VAC14: variants seen among roughly 807,000 people sequenced by gnomAD.
VAC14 encodes the protein protein VAC14 homolog.
Under a neutral mutation model 85.3 loss-of-function variants are expected in VAC14, and 47 were observed. That is an observed-to-expected ratio of 0.55 (90% CI 0.44 to 0.70). VAC14 has a LOEUF of 0.70. Ranked by LOEUF, VAC14 falls within the 30% of genes least tolerant of loss-of-function variation. The pLI is 0.00. For synonymous variants in VAC14, 447 were observed against 430.5 expected (o/e 1.04, Z -0.47); for missense variants, 861 against 1,004.3 (o/e 0.86, Z 1.93).
chr16:70,767,181 C>T (rs541692872), intron 10 of VAC14, among the ~76,000 whole-genome samples: 1 of 152,182 alleles, frequency 6.6e-6, no homozygotes, highest in African/African-American at 2.4e-5. Flanking sequence ...AAATGCATGG[C>T]GCTGCTGTGA....
Position 70,762,499 on chromosome 16 carries a change from C to A in VAC14, c.1371+41G>T, listed in dbSNP as rs567249867. Reference sequence around the variant, plus strand: ...CAGTCACTAACAAGGGGAGGCAGGGCAGCCGATGTTCCATAAGTACGGGTG... The same window carrying A: ...CAGTCACTAACAAGGGGAGGCAGGGAAGCCGATGTTCCATAAGTACGGGTG... On this transcript the variant is annotated intron_variant, in intron 12 of 18. Transcript: ENST00000261776. This position sits in a 1 kb window ranked among gnomAD's most constrained non-coding sequence, Gnocchi z 4.1. The A allele has an allele frequency of 6.3e-6, 10 of 1,595,326 alleles. No homozygotes were observed. In the African/African-American group the frequency reaches 6.7e-5, roughly 11 times the overall value.
rs112119073 is a variant in VAC14, at chr16:70,785,752, G to T, written c.373C>A (p.Arg125=). The change falls in exon 3 of 19, where the codon CGG becomes AGG. Residue 125 remains arginine, a synonymous_variant. Transcript: ENST00000261776. ...EALYNIVKVA[R]GAVLPHFNVL... is the part of the protein sequence containing the mutation. The stretch of plus-strand genomic sequence containing the variant: ...TTGAAGTGGGGCAGCACAGCGCCCC[G>T]GGCCACCTTGACGATGTTGTAGAGG... 1.0e-4 allele frequency: 161 copies of T among 1,575,130 alleles called. 1 individual carries two copies. The African/African-American group carries it at 1.8e-3, about 17-fold the overall frequency.
In VAC14 at chr16:70,784,212, C is replaced by G. The variant is rs752857911; in HGVS notation, c.495G>C (p.Val165=). The G allele has an allele frequency of 4.3e-6, 7 of 1,614,090 alleles. No individual in the cohort carries two copies. In the South Asian group the frequency reaches 7.7e-5, roughly 18 times the overall value. Residue 165 remains valine, a synonymous_variant, in exon 5 of 19, where the codon GTG becomes GTC. Coordinates refer to ENST00000261776, the MANE Select transcript of VAC14 (RefSeq NM_018052.5). ...ELLDRLLKDI[V]TESNKFDLVS... ...CCAGGTCAAACTTGTTGCTCTCAGT[C>G]ACAATGTCCTGTGGATCAGAGGAAA...
chr16:70,785,555 T>C, intron 3 of VAC14, 147 bp downstream of exon 3: 4 of 928,814 alleles, frequency 4.3e-6, no homozygotes, highest in Admixed American at 3.1e-5. Flanking sequence ...TAAAAATGAT[T>C]AGATTCAACA....
chr16:70,707,225 G>A (rs1027812085), intron 14 of VAC14, among the ~76,000 whole-genome samples: 1 of 152,328 alleles, frequency 6.6e-6, no homozygotes, highest in Admixed American at 6.5e-5. Flanking sequence ...ATCAATCCTC[G>A]GCAGTGTGCC....
chr16:70,706,882 T>C (rs2053930287), intron 14 of VAC14, among the ~76,000 whole-genome samples: 1 of 152,162 alleles, frequency 6.6e-6, no homozygotes, highest in South Asian at 2.1e-4. Context: ...AGTACTTTCC[T>C]AGGAGACACC....
chr16:70,766,390 G>T, intron 10 of VAC14: 1 of 437,856 alleles, frequency 2.3e-6, no homozygotes, highest in African/African-American at 2.0e-5. Flanking sequence ...CACGGAGCTG[G>T]TATGTGAACT....
In VAC14 at chr16:70,784,863, G is replaced by C. The variant is rs374869168; in HGVS notation, c.424-25C>G. 2.3e-5 allele frequency: 37 copies of C among 1,609,424 alleles called. No individual in the cohort carries two copies. In the African/African-American group the frequency reaches 4.7e-4, roughly 20 times the overall value. On this transcript the variant is annotated intron_variant, in intron 3 of 18. Coordinates refer to ENST00000261776, the MANE Select transcript of VAC14 (RefSeq NM_018052.5). ...GCTGCAAGAGGCACAGACAGGGGAG[G>C]GACACAGAGGCGAGGGTCACGGTTG...
intron 14 of VAC14, among the ~76,000 whole-genome samples, chr16:70,706,939 C>G (rs2053931785): frequency 6.6e-6 from 1 of 152,206 alleles, no homozygotes; most frequent in African/African-American, 2.4e-5. Flanking sequence ...AATATCAAGG[C>G]TACAAACTAC....
At chr16:70,750,625 C>G (rs566142186) in intron 12 of VAC14, among the ~76,000 whole-genome samples, 1 of 152,136 alleles carries the variant, frequency 6.6e-6, no homozygotes, top group Non-Finnish European at 1.5e-5. Context: ...ACGGTGGTGA[C>G]TTTACACCAG....
intron 10 of VAC14, chr16:70,766,376 A>G (rs568619168): frequency 1.5e-4 from 61 of 418,242 alleles, no homozygotes; most frequent in South Asian, 5.5e-4. Context: ...GAACGGCAGC[A>G]TATCACGGAG....
chr16:70,785,113 A>C (rs551170120), intron 3 of VAC14, among the ~76,000 whole-genome samples: 1 of 152,332 alleles, frequency 6.6e-6, no homozygotes, highest in East Asian at 1.9e-4. Flanking sequence ...TGACTGGGTC[A>C]CGGGGTTGCT....
chr16:70,712,929 C>G (rs2054066741), intron 14 of VAC14, among the ~76,000 whole-genome samples: 1 of 152,278 alleles, frequency 6.6e-6, no homozygotes, highest in South Asian at 2.1e-4. Flanking sequence ...GGCATGGGTG[C>G]TCCAGCCTGG....
At chr16:70,699,160 T>C (rs2053772477) in intron 14 of VAC14, 1 of 226,786 alleles carries the variant, frequency 4.4e-6, no homozygotes, top group Non-Finnish European at 9.1e-6. Context: ...GTCTGAGCAA[T>C]GGCCCCCACC....
At chr16:70,722,340 C>T (rs1382021862) in intron 14 of VAC14, among the ~76,000 whole-genome samples, 2 of 152,254 alleles carry the variant, frequency 1.3e-5, no homozygotes, top group Non-Finnish European at 2.9e-5. Context: ...AGGCCAGGCC[C>T]CTCCGAGGGC....
intron 12 of VAC14, among the ~76,000 whole-genome samples, chr16:70,745,246 C>CA (rs2030754938): frequency 6.6e-6 from 1 of 152,234 alleles, no homozygotes; most frequent in South Asian, 2.1e-4. Context: ...TCTTCCGAGA[C>CA]AGAGGCAGAG....
chr16:70,783,685 A>G (rs1241908797), intron 5 of VAC14, 131 bp from the exon 6 acceptor site: 5 of 851,084 alleles, frequency 5.9e-6, no homozygotes, highest in Non-Finnish European at 7.5e-6. Flanking sequence ...CAGGTGTCCC[A>G]TGTGGGAGGA....
At position 70,762,268 on chromosome 16, in the gene VAC14, C is replaced by A. The variant is rs1275945013; in HGVS notation, c.1371+272G>T. Among the ~76,000 whole-genome samples, 1 of 152,078 alleles carries A rather than the reference C, an allele frequency of 6.6e-6. No homozygotes were observed. Among genetic ancestry groups the A allele is most frequent in the Non-Finnish European group, 1.5e-5 (1 of 68,014 alleles). On this transcript the variant is annotated intron_variant, in intron 12 of 18. Transcript: ENST00000261776. The surrounding 1 kb of genome is among the most constrained non-coding windows in gnomAD (Gnocchi z 4.1). ...GAGTACAGGCGTGCACCACCACGCCCGGCTAATTTTTGTATTTTGAGTAGA... is the reference window on the plus strand; with the variant it reads ...GAGTACAGGCGTGCACCACCACGCCAGGCTAATTTTTGTATTTTGAGTAGA...
chr16:70,702,944 G>T (rs2053857535), intron 14 of VAC14, among the ~76,000 whole-genome samples: 1 of 152,236 alleles, frequency 6.6e-6, no homozygotes. Flanking sequence ...CTGCAGAGAA[G>T]AGGAATCTGA....
Sources: allele counts gnomAD v4.1 joint callset (sites outside exome capture counted in the v4.1 genomes callset), GRCh38; gene constraint gnomAD v4.1.1; non-coding constraint Gnocchi (gnomAD v3.1); transcripts MANE v1.5; gene names NCBI Gene and HGNC (gene_info 2026-07-23, HGNC 2026-07-21).